The following DEGS1 variants were observed in gnomAD, a reference collection of about 807,000 sequenced individuals.
DEGS1 encodes the protein sphingolipid delta(4)-desaturase DES1.
Under a neutral mutation model 24.1 loss-of-function variants are expected in DEGS1, and 17 were observed. The observed-to-expected ratio is 0.70, with a 90% CI of 0.48 to 1.06. The LOEUF is 1.06. DEGS1 is among the 50% of genes least tolerant of loss of function. The probability of loss-of-function intolerance (pLI) is 0.00; values close to 1 mark genes in which losing one functional copy is unlikely to be tolerated. For synonymous variants in DEGS1, 134 were observed against 140.0 expected (o/e 0.96, Z 0.30); for missense variants, 366 against 408.9 (o/e 0.90, Z 0.91).
intron 1 of DEGS1, among the ~76,000 whole-genome samples, chr1:224,186,202 G>A (rs999606497): frequency 6.6e-6 from 1 of 152,178 alleles, no homozygotes; most frequent in South Asian, 2.1e-4. Context: ...CAGCTACACA[G>A]AAGGCTGAGG....
At chr1:224,185,163 T>C (rs893926545) in intron 1 of DEGS1, among the ~76,000 whole-genome samples, 2 of 152,142 alleles carry the variant, frequency 1.3e-5, no homozygotes, top group Non-Finnish European at 2.9e-5. Context: ...GGTTGATTTT[T>C]CTATTTTTTG....
At chr1:224,184,459 TTTG>T (rs1658322291) in intron 1 of DEGS1, among the ~76,000 whole-genome samples, 1 of 109,670 alleles carries the variant, frequency 9.1e-6, no homozygotes, top group Non-Finnish European at 2.2e-5. Flanking sequence ...AGAGCACGTG[TTTG>T]TTTTTTGTTT....
At chr1:224,186,752 T>C (rs1658405845) in intron 1 of DEGS1, among the ~76,000 whole-genome samples, 4 of 150,104 alleles carry the variant, frequency 2.7e-5, no homozygotes, top group Admixed American at 2.7e-4. Flanking sequence ...TACATATTTC[T>C]CAATGAAAAT....
intron 2 of DEGS1, 82 bp downstream of exon 2, chr1:224,190,401 A>C: frequency 7.7e-7 from 1 of 1,306,436 alleles, no homozygotes; most frequent in Non-Finnish European, 1.0e-6. Flanking sequence ...TCAGTCGCCC[A>C]GGCTGGCGGG....
Position 224,192,728 on chromosome 1 carries a change from C to T in DEGS1, c.*250C>T, listed in dbSNP as rs1658575986. 2.4e-6 allele frequency: 1 copy of T among 417,774 alleles called. No individual in the cohort carries two copies. Among genetic ancestry groups the T allele is most frequent in the South Asian group, 3.1e-5 (1 of 31,780 alleles). 25.9% of individuals were successfully genotyped at this position (417,774 alleles called of 1,614,324 possible). A position where few individuals can be genotyped will look rare whatever the true frequency, so the allele number is the denominator to read the frequency against. On this transcript the variant is annotated 3_prime_UTR_variant, in exon 3 of 3. Coordinates refer to ENST00000323699, the MANE Select transcript of DEGS1 (RefSeq NM_003676.4). Reference sequence around the variant, plus strand: ...TTGAGGATGTTTCACTCATGTCTGTCATTTTATAAGCATATCATTTAAAAA... The same window carrying T: ...TTGAGGATGTTTCACTCATGTCTGTTATTTTATAAGCATATCATTTAAAAA...
chr1:224,185,846 T>C (rs886091323), intron 1 of DEGS1, among the ~76,000 whole-genome samples: 2 of 152,172 alleles, frequency 1.3e-5, no homozygotes, highest in Admixed American at 1.3e-4. Flanking sequence ...AGGAATAATC[T>C]AGCGTCCTAC....
chr1:224,186,271 G>A (rs1273109666), intron 1 of DEGS1, among the ~76,000 whole-genome samples: 2 of 152,108 alleles, frequency 1.3e-5, no homozygotes, highest in Admixed American at 6.6e-5. Context: ...TTGCCCCACC[G>A]CGTTCCAGCC....
At position 224,189,972 on chromosome 1, in the gene DEGS1, T is replaced by G. The variant is rs767151221; in HGVS notation, c.478T>G (p.Phe160Val). The G allele has an allele frequency of 6.2e-7, 1 of 1,614,192 alleles. No homozygotes were observed. The highest frequency in any genetic ancestry group is 2.2e-5 in the East Asian group (1 of 44,888). ...GTTCTTCTGTACCGCTTTCAGAAAG[T>G]TTATATGGGTTATTCTTCAGCCTCT... Reference protein sequence around the residue: ...GWFFCTAFRKFIWVILQPLFY... With the variant: ...GWFFCTAFRKVIWVILQPLFY... Residue 160 changes from phenylalanine to valine, a missense_variant, in exon 2 of 3, where the codon TTT becomes GTT. Transcript: ENST00000323699.
At chr1:224,189,508 A>T in intron 1 of DEGS1, 69 bp from the exon 2 acceptor site, 1 of 1,195,862 alleles carries the variant, frequency 8.4e-7, no homozygotes, top group Non-Finnish European at 1.2e-6. Flanking sequence ...AATTGGTGTT[A>T]ATTTAATTAT....
intron 1 of DEGS1, among the ~76,000 whole-genome samples, chr1:224,187,137 G>A (rs1572041448): frequency 6.6e-6 from 1 of 151,918 alleles, no homozygotes. Context: ...GTGAAACCCC[G>A]TCTCTACTAA....
rs1558211219 is a variant in DEGS1, at chr1:224,192,601, C to T, written c.*123C>T. 1 of 859,204 alleles carries T rather than the reference C, an allele frequency of 1.2e-6. No individual in the cohort carries two copies. Among genetic ancestry groups the T allele is most frequent in the East Asian group, 2.7e-5 (1 of 37,182 alleles). The allele number at this position is 859,204 out of a possible 1,614,324, so 53.2% of individuals were successfully genotyped here. ...CCCTGGCACAATTTCAGAGTAAGAGCTCGGTGATACCAAGAAGTGAATCTG... is the reference window on the plus strand; with the variant it reads ...CCCTGGCACAATTTCAGAGTAAGAGTTCGGTGATACCAAGAAGTGAATCTG... On this transcript the variant is annotated 3_prime_UTR_variant, in exon 3 of 3. Coordinates refer to ENST00000323699, the MANE Select transcript of DEGS1 (RefSeq NM_003676.4).
chr1:224,191,449 TG>T (rs963294376), intron 2 of DEGS1, among the ~76,000 whole-genome samples: 19 of 152,052 alleles, frequency 1.2e-4, no homozygotes, highest in Admixed American at 3.9e-4. Context: ...CTCAAATTCC[TG>T]GGCTCAAGTG....
Position 224,183,251 on chromosome 1 carries a change from C to T in DEGS1, c.-86C>T, listed in dbSNP as rs1280575266. On this transcript the variant is annotated 5_prime_UTR_variant, in exon 1 of 3. Coordinates refer to ENST00000323699, the MANE Select transcript of DEGS1 (RefSeq NM_003676.4). ...CACAGCCGGCCGACACCACACCAGCCGGGGAGCCGCCGCCGCCGCCGCCAC... is the reference window on the plus strand; with the variant it reads ...CACAGCCGGCCGACACCACACCAGCTGGGGAGCCGCCGCCGCCGCCGCCAC... 1.1e-5 allele frequency: 14 copies of T among 1,266,774 alleles called. No homozygotes were observed. The highest frequency in any genetic ancestry group is 9.4e-5 in the African/African-American group (6 of 63,814). The allele number at this position is 1,266,774 out of a possible 1,614,324, so 78.5% of individuals were successfully genotyped here. A position where few individuals can be genotyped will look rare whatever the true frequency, so the allele number is the denominator to read the frequency against.
In DEGS1 at chr1:224,189,998, CTT is replaced by C; in HGVS notation, c.507_508del (p.Phe169LeufsTer28). The C allele has an allele frequency of 1.2e-6, 2 of 1,614,202 alleles. No homozygotes were observed. Among genetic ancestry groups the C allele is most frequent in the Non-Finnish European group, 1.7e-6 (2 of 1,180,042 alleles). On this transcript the variant is annotated frameshift_variant, in exon 2 of 3. Transcript: ENST00000323699. LOFTEE classifies it high-confidence loss of function. ...KFIWVILQPL[F>X]YAFRPLFINP... ...TTATATGGGTTATTCTTCAGCCTCT[CTT>C]TTATGCCTTTCGACCTCTGTTCATC...
Position 224,192,253 on chromosome 1 carries a change from G to A in DEGS1, c.826-79G>A, listed in dbSNP as rs1025932224. ...CTCATGGTTTCCCTTCTCAGTGTTT[G>A]TGTCAACCATTCATCAGTCATCTTT... On this transcript the variant is annotated intron_variant, in intron 2 of 2. Transcript: ENST00000323699. 2.3e-5 allele frequency: 28 copies of A among 1,219,298 alleles called. No homozygotes were observed. In the African/African-American group the frequency reaches 4.1e-4, roughly 18 times the overall value. The allele number at this position is 1,219,298 out of a possible 1,614,324, so 75.5% of individuals were successfully genotyped here. A position where few individuals can be genotyped will look rare whatever the true frequency, so the allele number is the denominator to read the frequency against.
chr1:224,192,239 C>T (rs1372639392), intron 2 of DEGS1, 93 bp from the exon 3 acceptor site: 3 of 1,112,868 alleles, frequency 2.7e-6, no homozygotes, highest in South Asian at 1.7e-5. Flanking sequence ...TCATGGTTTC[C>T]CTTCTCAGTG....
intron 1 of DEGS1, among the ~76,000 whole-genome samples, chr1:224,184,577 T>C (rs1261429825): frequency 1.3e-5 from 2 of 152,062 alleles, no homozygotes; most frequent in African/African-American, 4.8e-5. Context: ...AGTGGCGCGA[T>C]CTCCACTCGC....
At position 224,192,817 on chromosome 1, in the gene DEGS1, G is replaced by T. The variant is rs1269676763; in HGVS notation, c.*339G>T. ...GCCTATAATCCCAGCACTTTGGGAGGCCAAGGTGGGTGGATCACCTGAGGT... is the reference window on the plus strand; with the variant it reads ...GCCTATAATCCCAGCACTTTGGGAGTCCAAGGTGGGTGGATCACCTGAGGT... On this transcript the variant is annotated 3_prime_UTR_variant, in exon 3 of 3. Coordinates refer to ENST00000323699, the MANE Select transcript of DEGS1 (RefSeq NM_003676.4). 1.9e-5 allele frequency: 4 copies of T among 213,300 alleles called. No individual in the cohort carries two copies. The highest frequency in any genetic ancestry group is 3.7e-5 in the Non-Finnish European group (4 of 107,862). 13.2% of individuals were successfully genotyped at this position (213,300 alleles called of 1,614,324 possible).
intron 1 of DEGS1, among the ~76,000 whole-genome samples, chr1:224,186,790 G>A (rs1658406910): frequency 6.6e-6 from 1 of 151,560 alleles, no homozygotes; most frequent in Admixed American, 6.6e-5. Context: ...CCATGCAGGT[G>A]TAAATACTAA....
Sources: allele counts gnomAD v4.1 joint callset (sites outside exome capture counted in the v4.1 genomes callset), GRCh38; gene constraint gnomAD v4.1.1; transcripts MANE v1.5; gene names NCBI Gene and HGNC (gene_info 2026-07-23, HGNC 2026-07-21).